The following PAIP2B variants were observed in gnomAD, a reference collection of about 807,000 sequenced individuals.
PAIP2B encodes poly(A) binding protein interacting protein 2B.
Under a neutral mutation model 17.0 loss-of-function variants are expected in PAIP2B, and 13 were observed. That is an observed-to-expected ratio of 0.76 (90% CI 0.50 to 1.22). The LOEUF (loss-of-function observed/expected upper bound fraction) is 1.22, where lower values mean the gene tolerates loss of function less well. PAIP2B is among the 50% of genes most tolerant of loss of function. The pLI is 0.00. For synonymous variants in PAIP2B, 43 were observed against 48.7 expected (o/e 0.88, Z 0.48); for missense variants, 117 against 144.5 (o/e 0.81, Z 0.98).
At chr2:71,195,823 A>G (rs764240093) in intron 2 of PAIP2B, among the ~76,000 whole-genome samples, 1 of 152,106 alleles carries the variant, frequency 6.6e-6, no homozygotes, top group Non-Finnish European at 1.5e-5. Flanking sequence ...TTTTTAGTAG[A>G]GATGGGTTTC....
intron 1 of PAIP2B, among the ~76,000 whole-genome samples, chr2:71,224,021 G>A (rs1675657040): frequency 6.6e-6 from 1 of 152,104 alleles, no homozygotes; most frequent in African/African-American, 2.4e-5. Flanking sequence ...GGTGACTTAT[G>A]GATATACACA....
intron 1 of PAIP2B, among the ~76,000 whole-genome samples, chr2:71,209,286 G>C (rs1675227023): frequency 6.6e-6 from 1 of 152,182 alleles, no homozygotes; most frequent in Admixed American, 6.5e-5. Flanking sequence ...CCACGGAAAT[G>C]ACATCTTTAA....
At chr2:71,215,817 A>T (rs1675416795) in intron 1 of PAIP2B, among the ~76,000 whole-genome samples, 1 of 152,258 alleles carries the variant, frequency 6.6e-6, no homozygotes, top group East Asian at 1.9e-4. Context: ...ATAAAACTTT[A>T]AAAAATATAT....
At chr2:71,218,919 CTT>C (rs869124496) in intron 1 of PAIP2B, among the ~76,000 whole-genome samples, 5 of 138,056 alleles carry the variant, frequency 3.6e-5, no homozygotes, top group Admixed American at 1.5e-4. Context: ...CTTTTTTTTT[CTT>C]TTTTTTTTTT....
chr2:71,196,537 T>C (rs1191473847), intron 2 of PAIP2B, among the ~76,000 whole-genome samples: 1 of 152,152 alleles, frequency 6.6e-6, no homozygotes, highest in Non-Finnish European at 1.5e-5. Context: ...TTTGTTCCAA[T>C]GGTGAATTTA....
rs556514882 is a variant in PAIP2B at position 71,183,511 on chromosome 2, G to A, written c.*4968C>T. ...ATAAGTCCTACGTTCGGAGGGTTCC[G>A]TTTAGACAACAGGAAGTTGGAATCC... On this transcript the variant is annotated 3_prime_UTR_variant, in exon 4 of 4. Coordinates refer to ENST00000244221, the MANE Select transcript of PAIP2B (RefSeq NM_020459.1). 30 of 135,566 alleles carry A rather than the reference G, an allele frequency of 2.2e-4. No individual in the cohort carries two copies. Among genetic ancestry groups the A allele is most frequent in the African/African-American group, 8.2e-4 (29 of 35,174 alleles). 8.4% of individuals were successfully genotyped at this position (135,566 alleles called of 1,614,324 possible). A position where few individuals can be genotyped will look rare whatever the true frequency, so the allele number is the denominator to read the frequency against.
In PAIP2B at chr2:71,193,448, AT is replaced by A. The variant is rs778020270; in HGVS notation, c.139-3428del. ...GAAGTTCTTAAGTTATTTAGATCTCATTTGTCAATTTTGGCTTTTGTTGCAA... is the reference window on the plus strand; with the variant it reads ...GAAGTTCTTAAGTTATTTAGATCTCATTGTCAATTTTGGCTTTTGTTGCAA... On this transcript the variant is annotated intron_variant, in intron 2 of 3. Coordinates refer to ENST00000244221, the MANE Select transcript of PAIP2B (RefSeq NM_020459.1). Among the ~76,000 whole-genome samples the A allele has an allele frequency of 1.1e-3, 167 of 152,120 alleles. 1 individual carries two copies. Among genetic ancestry groups the A allele is most frequent in the Non-Finnish European group, 1.9e-3 (129 of 68,022 alleles).
chr2:71,195,796 C>T (rs1041917943), intron 2 of PAIP2B, among the ~76,000 whole-genome samples: 9 of 152,128 alleles, frequency 5.9e-5, no homozygotes, highest in African/African-American at 2.2e-4. Context: ...TGCCACCATG[C>T]CTGGCTAATT....
intron 1 of PAIP2B, among the ~76,000 whole-genome samples, chr2:71,208,012 C>T (rs538509511): frequency 1.3e-5 from 2 of 151,914 alleles, no homozygotes; most frequent in Non-Finnish European, 2.9e-5. Flanking sequence ...TTGGAGTAGT[C>T]GTTTATATAA....
intron 2 of PAIP2B, among the ~76,000 whole-genome samples, chr2:71,196,449 G>T (rs1383102533): frequency 1.2e-4 from 19 of 152,238 alleles, no homozygotes; most frequent in Admixed American, 1.2e-3. Flanking sequence ...ATTTTAAAGT[G>T]TGTACCATGT....
At chr2:71,220,481 CCCCTG>C in intron 1 of PAIP2B, among the ~76,000 whole-genome samples, 1 of 151,106 alleles carries the variant, frequency 6.6e-6, no homozygotes, top group African/African-American at 2.4e-5. Context: ...GCTTTGTAGT[CCCCTG>C]CTCCTTGCCA....
At chr2:71,190,291 G>T (rs1403399261) in intron 2 of PAIP2B, among the ~76,000 whole-genome samples, 1 of 152,102 alleles carries the variant, frequency 6.6e-6, no homozygotes, top group African/African-American at 2.4e-5. Context: ...GGCCATAGTG[G>T]TGTGTGCCTG....
Position 71,188,253 on chromosome 2 carries a change from C to A in PAIP2B, c.*226G>T. On this transcript the variant is annotated 3_prime_UTR_variant, in exon 4 of 4. Coordinates refer to ENST00000244221, the MANE Select transcript of PAIP2B (RefSeq NM_020459.1). ...GAAAGAGCTATTTAAAAAAACAAAA[C>A]AGGAAACTCCCCAAACAAAAGTCAG... 2.0e-6 allele frequency: 1 copy of A among 508,642 alleles called. No homozygotes were observed. The highest frequency in any genetic ancestry group is 3.4e-5 in the South Asian group (1 of 29,584). The allele number at this position is 508,642 out of a possible 1,614,324, so 31.5% of individuals were successfully genotyped here. A position where few individuals can be genotyped will look rare whatever the true frequency, so the allele number is the denominator to read the frequency against.
intron 1 of PAIP2B, among the ~76,000 whole-genome samples, chr2:71,224,539 A>C (rs1258594007): frequency 6.6e-6 from 1 of 152,196 alleles, no homozygotes; most frequent in Non-Finnish European, 1.5e-5. Context: ...TTCACCAAGC[A>C]CATAAGGTGT....
At chr2:71,209,750 C>T (rs1361042479) in intron 1 of PAIP2B, among the ~76,000 whole-genome samples, 1 of 152,066 alleles carries the variant, frequency 6.6e-6, no homozygotes, top group Non-Finnish European at 1.5e-5. Context: ...CACACATACA[C>T]AAACACAAAT....
chr2:71,198,446 C>T (rs543578987), intron 2 of PAIP2B, among the ~76,000 whole-genome samples: 29 of 150,430 alleles, frequency 1.9e-4, no homozygotes, highest in Admixed American at 5.3e-4. Context: ...CTACCACGCC[C>T]GGCTAATTTT....
rs568552077 is a variant in PAIP2B at position 71,219,082 on chromosome 2, A to ATTTT, written c.-12+7842_-12+7845dup. 1.0e-3 allele frequency among the ~76,000 whole-genome samples: 119 copies of ATTTT among 113,958 alleles called. 1 individual carries two copies. Among genetic ancestry groups the ATTTT allele is most frequent in the African/African-American group, 3.9e-3 (110 of 28,022 alleles). The allele number at this position is 113,958 out of a possible 152,430, so 74.8% of individuals were successfully genotyped here. A position where few individuals can be genotyped will look rare whatever the true frequency, so the allele number is the denominator to read the frequency against. On this transcript the variant is annotated intron_variant, in intron 1 of 3. Coordinates refer to ENST00000244221, the MANE Select transcript of PAIP2B (RefSeq NM_020459.1). Reference sequence around the variant, plus strand: ...AGGTGCCCGCCACCACGCCTAGCTAATTTTTTTTTTTTTTTTTTTTTGTAT... The same window carrying ATTTT: ...AGGTGCCCGCCACCACGCCTAGCTAATTTTTTTTTTTTTTTTTTTTTTTTTGTAT...
intron 2 of PAIP2B, among the ~76,000 whole-genome samples, chr2:71,200,432 A>C (rs1056571775): frequency 6.6e-6 from 1 of 152,212 alleles, no homozygotes; most frequent in Non-Finnish European, 1.5e-5. Context: ...TACTCCTATG[A>C]CCTGAAATCA....
At chr2:71,197,027 T>C (rs1293200568) in intron 2 of PAIP2B, among the ~76,000 whole-genome samples, 2 of 152,206 alleles carry the variant, frequency 1.3e-5, no homozygotes, top group Non-Finnish European at 2.9e-5. Context: ...AATGTTGGTA[T>C]TGATATGTGT....
Sources: allele counts gnomAD v4.1 joint callset (sites outside exome capture counted in the v4.1 genomes callset), GRCh38; gene constraint gnomAD v4.1.1; transcripts MANE v1.5; gene names NCBI Gene and HGNC (gene_info 2026-07-23, HGNC 2026-07-21).